Variants in IGFBP4 observed in about 807,000 individuals in gnomAD.
IGFBP4 encodes the protein insulin-like growth factor-binding protein 4.
In IGFBP4, 9 loss-of-function variants were observed where a neutral mutation model predicts 25.8. The observed-to-expected ratio is 0.35, with a 90% confidence interval of 0.21 to 0.61. The LOEUF (loss-of-function observed/expected upper bound fraction) is 0.61. Among genes scored for constraint, IGFBP4 ranks in the 20% least tolerant of loss-of-function variants. The pLI, the probability that IGFBP4 is intolerant of heterozygous loss-of-function variation, is 0.77. For missense variants in IGFBP4, 315 were observed against 365.3 expected, an observed-to-expected ratio of 0.86 and a Z score of 1.12; for synonymous variants, 153 against 153.9, an observed-to-expected ratio of 0.99 and a Z score of 0.05.
At position 40,453,241 on chromosome 17, in the gene IGFBP4, C is replaced by T; in HGVS notation, c.507+99C>T. 1.1e-6 allele frequency: 1 copy of T among 911,612 alleles called. No homozygotes were observed. 56.5% of individuals were successfully genotyped at this position (911,612 alleles called of 1,614,324 possible). ...ACGCACCCACACACACCATCACCAC[C>T]AGATCTGGGGCGTGTTCATTCAGCA... is the stretch of plus-strand genomic sequence containing the variant. On this transcript the variant is annotated intron_variant, in intron 2 of 3. Transcript: ENST00000269593. The surrounding 1 kb of genome is among the most constrained non-coding windows in gnomAD (Gnocchi z 4.0).
At chr17:40,447,747 G>A (rs2035657295) in intron 1 of IGFBP4, among the ~76,000 whole-genome samples, 1 of 152,170 alleles carries the variant, frequency 6.6e-6, no homozygotes, top group African/African-American at 2.4e-5. Context: ...TTTAAAGTGG[G>A]GAGGGCAACA....
intron 1 of IGFBP4, among the ~76,000 whole-genome samples, chr17:40,450,518 A>ATT (rs35661038): frequency 5.0e-4 from 74 of 149,182 alleles, no homozygotes; most frequent in Non-Finnish European, 8.9e-4. Context: ...TAATTCTTGA[A>ATT]TTTTTTTTTT....
intron 1 of IGFBP4, 55 bp downstream of exon 1, chr17:40,444,139 C>T (rs1364783882): frequency 3.6e-6 from 5 of 1,372,838 alleles, no homozygotes; most frequent in South Asian, 1.2e-5. Context: ...TTCCCAGCGG[C>T]TTCTTCCCCA....
At chr17:40,454,286 G>A (rs1214687805) in intron 3 of IGFBP4, among the ~76,000 whole-genome samples, 1 of 152,206 alleles carries the variant, frequency 6.6e-6, no homozygotes, top group East Asian at 1.9e-4. Flanking sequence ...GGCTAGTCCA[G>A]AGTCATAGAA....
rs987945225 is a variant in IGFBP4, at chr17:40,456,723, A to G, written c.*140A>G. 3 of 794,214 alleles carry G rather than the reference A, an allele frequency of 3.8e-6. No homozygotes were observed. Among genetic ancestry groups the G allele is most frequent in the East Asian group, 5.4e-5 (2 of 37,084 alleles). The allele number at this position is 794,214 out of a possible 1,614,324, so 49.2% of individuals were successfully genotyped here. ...AAGTTTCCCTCAAATGCGCGTGTGC[A>G]CGTGTGCGTGTGCGTGCGTGTGTGT... On this transcript the variant is annotated 3_prime_UTR_variant, in exon 4 of 4. Coordinates refer to ENST00000269593, the MANE Select transcript of IGFBP4 (RefSeq NM_001552.3).
intron 3 of IGFBP4, among the ~76,000 whole-genome samples, chr17:40,454,414 T>G (rs1224779664): frequency 1.3e-5 from 2 of 152,196 alleles, no homozygotes; most frequent in African/African-American, 2.4e-5. Context: ...CACTCTCTCA[T>G]TCACTCTACT....
rs1237774298 is a variant in IGFBP4 at position 40,443,972 on chromosome 17, C to T, written c.237C>T (p.Arg79=). 6.5e-7 allele frequency: 1 copy of T among 1,531,366 alleles called. No individual in the cohort carries two copies. The highest frequency in any genetic ancestry group is 2.0e-5 in the Admixed American group (1 of 49,972). The allele number at this position is 1,531,366 out of a possible 1,614,324, so 94.9% of individuals were successfully genotyped here. The stretch of plus-strand genomic sequence containing the variant: ...CCCCCCGTTGCGGCTCGGGCCTGCG[C>T]TGCTACCCGCCCCGAGGGGTGGAGA... ...VYTPRCGSGL[R]CYPPRGVEKP... Residue 79 remains arginine (R), a synonymous_variant, in exon 1 of 4, where the codon CGC becomes CGT. Coordinates refer to ENST00000269593, the MANE Select transcript of IGFBP4 (RefSeq NM_001552.3).
At chr17:40,444,884 A>AAACACACAC (rs2035632490) in intron 1 of IGFBP4, among the ~76,000 whole-genome samples, 15 of 80,304 alleles carry the variant, frequency 1.9e-4, no homozygotes, top group African/African-American at 5.6e-4. Flanking sequence ...GAGAGAGAGA[A>AAACACACAC]ACACACACAC....
rs1420372054 is a variant in IGFBP4, at chr17:40,444,949, AG to A, written c.349+866del. On this transcript the variant is annotated intron_variant, in intron 1 of 3. Transcript: ENST00000269593. ...CACAGAGACAGAGAGAGAGAGAGAG[AG>A]AGAGAGAGAGAGAGAGAGAGAGAGA... 1.5e-4 allele frequency among the ~76,000 whole-genome samples: 22 copies of A among 146,568 alleles called. No homozygotes were observed. The East Asian group carries it at 4.3e-3, about 29-fold the overall frequency.
Position 40,454,012 on chromosome 17 carries a change from A to C in IGFBP4, c.592A>C (p.Ile198Leu). The change falls in exon 3 of 4, where the codon ATC becomes CTC. Residue 198 changes from isoleucine (I) to leucine (L), a missense_variant. Transcript: ENST00000269593. ...GAGCCGCACCCACGAGGACCTCTAC[A>C]TCATCCCCATCCCCAACTGCGACCG... ...SQSRTHEDLY[I>L]IPIPNCDRNG... 6.2e-7 allele frequency: 1 copy of C among 1,613,000 alleles called. No homozygotes were observed.
intron 1 of IGFBP4, among the ~76,000 whole-genome samples, chr17:40,447,575 G>T (rs2035656377): frequency 6.6e-6 from 1 of 152,294 alleles, no homozygotes; most frequent in African/African-American, 2.4e-5. Context: ...TGTGGGGAGG[G>T]GGAGGGAGGA....
In IGFBP4 at chr17:40,456,547, G is replaced by C. The variant is rs889034544; in HGVS notation, c.741G>C (p.Leu247=). ...LPGGLEPKGE[L]DCHQLADSFR... is the part of the protein sequence containing the mutation. ...GGGGCCTGGAGCCAAAGGGGGAGCT[G>C]GACTGCCACCAGCTGGCTGACAGCT... Residue 247 remains leucine (L), a synonymous_variant, in exon 4 of 4, where the codon CTG becomes CTC. Coordinates refer to ENST00000269593, the MANE Select transcript of IGFBP4 (RefSeq NM_001552.3). The C allele has an allele frequency of 6.2e-6, 10 of 1,613,256 alleles. No homozygotes were observed. Among genetic ancestry groups the C allele is most frequent in the Non-Finnish European group, 8.5e-6 (10 of 1,179,856 alleles).
In IGFBP4 at chr17:40,454,042, G is replaced by A; in HGVS notation, c.622G>A (p.Gly208Ser). Residue 208 changes from glycine (G) to serine (S), a missense_variant, in exon 3 of 4, where the codon GGC becomes AGC. Physicochemically the swap from Gly to Ser is moderately conservative, Grantham distance 56. Transcript: ENST00000269593. ...IIPIPNCDRNGNFHPKQCHPA... is the reference protein window; with the variant it reads ...IIPIPNCDRNSNFHPKQCHPA... ...CCCCATCCCCAACTGCGACCGCAAC[G>A]GCAACTTCCACCCCAAGCAGGTGGG... is the stretch of plus-strand genomic sequence containing the variant. 1.9e-6 allele frequency: 3 copies of A among 1,612,416 alleles called. No homozygotes were observed. Among genetic ancestry groups the A allele is most frequent in the Non-Finnish European group, 2.5e-6 (3 of 1,179,354 alleles).
chr17:40,456,323 C>A (rs1178054102), intron 3 of IGFBP4, 126 bp from the exon 4 acceptor site: 3 of 898,792 alleles, frequency 3.3e-6, no homozygotes, highest in Non-Finnish European at 5.2e-6. Context: ...GAGTCACCAC[C>A]CTCAGAGGCC....
chr17:40,449,484 C>T (rs545646250), intron 1 of IGFBP4, among the ~76,000 whole-genome samples: 4 of 152,238 alleles, frequency 2.6e-5, no homozygotes, highest in African/African-American at 9.6e-5. Flanking sequence ...CGCAATGGCT[C>T]ATGCCTGTAA....
Position 40,454,038 on chromosome 17 carries a change from C to A in IGFBP4, c.618C>A (p.Arg206=), listed in dbSNP as rs926393867. ...LYIIPIPNCD[R]NGNFHPKQCH... is the part of the protein sequence containing the mutation. ...TCATCCCCATCCCCAACTGCGACCG[C>A]AACGGCAACTTCCACCCCAAGCAGG... Residue 206 remains arginine (R), a synonymous_variant, in exon 3 of 4, where the codon CGC becomes CGA. Coordinates refer to ENST00000269593, the MANE Select transcript of IGFBP4 (RefSeq NM_001552.3). The A allele has an allele frequency of 1.2e-6, 2 of 1,612,524 alleles. No homozygotes were observed. Among genetic ancestry groups the A allele is most frequent in the African/African-American group, 2.7e-5 (2 of 74,878 alleles).
chr17:40,450,436 AAGT>A (rs1231161750), intron 1 of IGFBP4, among the ~76,000 whole-genome samples: 10 of 152,190 alleles, frequency 6.6e-5, no homozygotes, highest in African/African-American at 2.2e-4. Flanking sequence ...AGCCCTACTT[AAGT>A]AACAGGGTGG....
In IGFBP4 at chr17:40,456,399, G is replaced by A. The variant is rs562419914; in HGVS notation, c.643-50G>A. ...GCTGGGATTGGGGTGGGTCACTTGG[G>A]GTCTCTTTTCCTGCGTCGGAACTGA... On this transcript the variant is annotated intron_variant, in intron 3 of 3. Transcript: ENST00000269593. 6 of 1,608,696 alleles carry A rather than the reference G, an allele frequency of 3.7e-6. No homozygotes were observed. The East Asian group carries it at 1.3e-4, about 36-fold the overall frequency.
intron 1 of IGFBP4, among the ~76,000 whole-genome samples, chr17:40,448,475 GC>G (rs2035663658): frequency 6.6e-6 from 1 of 152,208 alleles, no homozygotes; most frequent in Non-Finnish European, 1.5e-5. Flanking sequence ...TCCCAAACAA[GC>G]TTTTTGGAGG....
Sources: gnomAD v4.1 joint callset for allele counts (sites outside exome capture counted in the v4.1 genomes callset) on GRCh38, gnomAD v4.1.1 for gene constraint, Gnocchi (gnomAD v3.1) non-coding constraint, MANE v1.5 for transcripts, NCBI Gene and HGNC (gene_info 2026-07-23, HGNC 2026-07-21) for gene names.